The following ANK3 variants were observed in gnomAD, a reference collection of about 807,000 sequenced individuals.
The protein encoded by ANK3 is ankyrin 3.
A neutral mutation model predicts 370.9 loss-of-function variants in ANK3; 57 were observed. The ratio of observed to expected loss-of-function variants is 0.15; its 90% CI spans 0.12 to 0.19. ANK3 has a LOEUF of 0.19. Ranked by LOEUF, ANK3 falls within the 10% of genes least tolerant of loss-of-function variation. The pLI is 1.00. For missense variants in ANK3, 4,439 were observed against 5,302.1 expected (o/e 0.84, Z 5.06); for synonymous variants, 1,929 against 1,946.3 (o/e 0.99, Z 0.23).
At chr10:60,339,131 G>A (rs558791741) in intron 1 of ANK3, among the ~76,000 whole-genome samples, 2 of 152,124 alleles carry the variant, frequency 1.3e-5, no homozygotes, top group Admixed American at 1.3e-4. Context: ...TGATTAAAAG[G>A]TTCAGACATT....
rs1240882994 is a variant in ANK3, at chr10:60,064,188, T to A, written c.12420A>T (p.Lys4140Asn). 6.4e-7 allele frequency: 1 copy of A among 1,571,056 alleles called. No individual in the cohort carries two copies. Among genetic ancestry groups the A allele is most frequent in the South Asian group, 1.2e-5 (1 of 82,140 alleles). The change falls in exon 39 of 44, where the codon AAA (lysine) becomes AAT (asparagine). Residue 4140 changes from lysine (K) to asparagine (N), a missense_variant. Around this residue, in one of 13 missense-constraint regions of ANK3, gnomAD observed 99 missense variants for 150.7 expected, o/e 0.66. Transcript: ENST00000280772. ...LISQSFMLLK[K>N]WVTRDGKNAT... ...CATTTTTTCCGTCTCTGGTAACCCA[T>A]TTTTTTAATAACATGAAGCTCTGAG...
At chr10:60,578,549 G>A (rs2077709639) in intron 2 of ANK3, among the ~76,000 whole-genome samples, 1 of 152,150 alleles carries the variant, frequency 6.6e-6, no homozygotes, top group African/African-American at 2.4e-5. Flanking sequence ...TTTGTAAAAG[G>A]TAATTTCCAG....
intron 1 of ANK3, among the ~76,000 whole-genome samples, chr10:60,309,642 T>C (rs1278564652): frequency 1.3e-5 from 2 of 152,232 alleles, no homozygotes; most frequent in African/African-American, 4.8e-5. Context: ...GAGGTTGGAA[T>C]AACTTGCAAT....
rs1489410139 is a variant in ANK3, at chr10:60,633,075, A to G, written c.58-17851T>C. ...TAGCTCCAATTTGATAAATTCAAAT[A>G]AAAGTTATGTTTAAAATTTTATTAT... On this transcript the variant is annotated intron_variant, in intron 1 of 43. Coordinates refer to the ANK3 transcript ENST00000373827. 2.0e-5 allele frequency among the ~76,000 whole-genome samples: 3 copies of G among 152,216 alleles called. No homozygotes were observed. The South Asian group carries it at 6.2e-4, about 32-fold the overall frequency.
chr10:60,679,290 G>GC (rs932238576), intron 1 of ANK3, among the ~76,000 whole-genome samples: 1 of 152,194 alleles, frequency 6.6e-6, no homozygotes, highest in African/African-American at 2.4e-5. Flanking sequence ...GCAGGAGAGG[G>GC]CCCCCCTCCC....
intron 17 of ANK3, 134 bp downstream of exon 17, chr10:60,186,581 T>C: frequency 9.7e-7 from 1 of 1,034,144 alleles, no homozygotes; most frequent in Non-Finnish European, 1.5e-6. Flanking sequence ...AAGTAACACT[T>C]TGGTAAACAA....
At position 60,105,927 on chromosome 10, in the gene ANK3, C is replaced by T; in HGVS notation, c.3306G>A (p.Glu1102=). 1 of 1,610,650 alleles carries T rather than the reference C, an allele frequency of 6.2e-7. No homozygotes were observed. Among genetic ancestry groups the T allele is most frequent in the East Asian group, 2.2e-5 (1 of 44,592 alleles). The change falls in exon 28 of 44, where the codon GAG becomes GAA. Residue 1102 remains glutamate, a synonymous_variant. Coordinates refer to ENST00000280772, the MANE Select transcript of ANK3 (RefSeq NM_020987.5). ...QFDSKNEDLT[E]LLNGMDEELD... ...TACCTTCATCCATGCCATTAAGTAA[C>T]TCGGTTAAATCTTCATTTTTGCTGT...
chr10:60,161,614 T>C (rs1411902295), intron 23 of ANK3, among the ~76,000 whole-genome samples: 1 of 152,084 alleles, frequency 6.6e-6, no homozygotes, highest in Non-Finnish European at 1.5e-5. Flanking sequence ...GGAGACATTA[T>C]CTTAAGTGAG....
In ANK3 at chr10:60,240,273, C is replaced by T. The variant is rs868825063; in HGVS notation, c.799-5487G>A. ...ATATATACATATACACATATATATA[C>T]ACACACACATATATATATATATATA... On this transcript the variant is annotated intron_variant, in intron 7 of 43. Coordinates refer to ENST00000280772, the MANE Select transcript of ANK3 (RefSeq NM_020987.5). 5.1e-5 allele frequency among the ~76,000 whole-genome samples: 5 copies of T among 98,786 alleles called. No homozygotes were observed. In the East Asian group the frequency reaches 1.0e-3, roughly 20 times the overall value. The allele number at this position is 98,786 out of a possible 152,430, so 64.8% of individuals were successfully genotyped here.
intron 2 of ANK3, among the ~76,000 whole-genome samples, chr10:60,593,296 C>T (rs950722140): frequency 3.3e-5 from 5 of 152,162 alleles, no homozygotes; most frequent in Non-Finnish European, 7.4e-5. Context: ...ACATTCTGTG[C>T]CTGTCCTGTA....
chr10:60,702,030 A>G (rs2079551650), intron 1 of ANK3, among the ~76,000 whole-genome samples: 1 of 152,122 alleles, frequency 6.6e-6, no homozygotes, highest in African/African-American at 2.4e-5. Flanking sequence ...AGTCTGAGGC[A>G]GGAGGACTGC....
intron 21 of ANK3, among the ~76,000 whole-genome samples, chr10:60,168,794 G>A (rs2095694397): frequency 6.6e-6 from 1 of 152,148 alleles, no homozygotes; most frequent in Admixed American, 6.6e-5. Context: ...AACATGTGGT[G>A]TTTGGTTTTC....
intron 2 of ANK3, among the ~76,000 whole-genome samples, chr10:60,440,368 A>C (rs2064270021): frequency 6.6e-6 from 1 of 152,150 alleles, no homozygotes; most frequent in Admixed American, 6.5e-5. Context: ...GCCTCAGGAA[A>C]CTTACAATCA....
At chr10:60,693,243 C>A (rs1052704056) in intron 1 of ANK3, among the ~76,000 whole-genome samples, 2 of 152,236 alleles carry the variant, frequency 1.3e-5, no homozygotes, top group Admixed American at 1.3e-4. Flanking sequence ...GCACCTGGCT[C>A]GCAGGGTCCT....
chr10:60,449,377 C>T (rs145887898), intron 2 of ANK3, among the ~76,000 whole-genome samples: 16 of 152,184 alleles, frequency 1.1e-4, no homozygotes, highest in Non-Finnish European at 2.1e-4. Context: ...GTGTTTTGCA[C>T]TTCTCAATTC....
intron 43 of ANK3, among the ~76,000 whole-genome samples, chr10:60,031,756 T>G (rs1564502458): frequency 1.3e-5 from 2 of 152,208 alleles, no homozygotes. Flanking sequence ...CAGCCTGGCT[T>G]ATGGAAACAT....
At chr10:60,590,810 G>T (rs753472493) in intron 2 of ANK3, among the ~76,000 whole-genome samples, 1 of 152,172 alleles carries the variant, frequency 6.6e-6, no homozygotes, top group Non-Finnish European at 1.5e-5. Context: ...CAATGTAGAT[G>T]CTATGTAAAT....
At chr10:60,686,460 A>G (rs59297632) in intron 1 of ANK3, among the ~76,000 whole-genome samples, 1,791 of 152,300 alleles carry the variant, frequency 0.012, 36 homozygotes, top group African/African-American at 0.04. Flanking sequence ...GGATGAAGCT[A>G]TAAAATTCAT....
chr10:60,581,513 C>T lies in ANK3; in HGVS notation c.96+33673G>A, dbSNP rs145446615. Among the ~76,000 whole-genome samples the T allele has an allele frequency of 1.4e-3, 219 of 151,224 alleles. 1 individual carries two copies. Among genetic ancestry groups the T allele is most frequent in the Non-Finnish European group, 1.6e-3 (109 of 67,918 alleles). ...AATCTCAGCTCACTGCAAGCTTTGCCACCCGGGTTCAAGTGATTCTCCTGC... is the reference window on the plus strand; with the variant it reads ...AATCTCAGCTCACTGCAAGCTTTGCTACCCGGGTTCAAGTGATTCTCCTGC... On this transcript the variant is annotated intron_variant, in intron 2 of 43. Coordinates refer to the ANK3 transcript ENST00000373827.
Sources: allele counts gnomAD v4.1 joint callset (sites outside exome capture counted in the v4.1 genomes callset), GRCh38; gene constraint gnomAD v4.1.1; regional missense constraint gnomAD v4.1.1; transcripts MANE v1.5; gene names NCBI Gene and HGNC (gene_info 2026-07-23, HGNC 2026-07-21).